SAXO3: variants seen among roughly 807,000 people sequenced by gnomAD.
SAXO3 encodes the protein CTB-60B18.10.
the SAXO3 span, chr19:49,018,122 AG>A: frequency 5.0e-6 from 2 of 399,496 alleles, no homozygotes; most frequent in African/African-American, 2.1e-5. Context: ...CGGGTGCAGC[AG>A]GGGGCTGTAG....
At chr19:49,018,670 G>C in the SAXO3 span, among the ~76,000 whole-genome samples, 1 of 151,994 alleles carries the variant, frequency 6.6e-6, no homozygotes, top group Non-Finnish European at 1.5e-5. Flanking sequence ...TCCCTACCGC[G>C]GTTCCTGAGA....
the SAXO3 span, chr19:49,017,973 C>T: frequency 2.5e-6 from 1 of 398,564 alleles, no homozygotes. Flanking sequence ...ACGGCTCACA[C>T]CAGCGCCGGC....
At chr19:49,018,870 T>TA in the SAXO3 span, 1 of 1,533,172 alleles carries the variant, frequency 6.5e-7, no homozygotes, top group Non-Finnish European at 8.7e-7. Context: ...GAGCCCGGCT[T>TA]ACTTGGGATA....
chr19:49,019,036 A>G, the SAXO3 span: 1 of 1,512,962 alleles, frequency 6.6e-7, no homozygotes. Flanking sequence ...TACCCAAGAC[A>G]TAGATTTCAT....
the SAXO3 span, chr19:49,019,201 T>C: frequency 1.4e-5 from 19 of 1,395,084 alleles, no homozygotes; most frequent in Admixed American, 6.3e-5. Flanking sequence ...ACCCGAACCC[T>C]TCCCAGCCTC....
the SAXO3 span, chr19:49,020,233 TC>T: frequency 2.1e-6 from 1 of 470,932 alleles, no homozygotes; most frequent in South Asian, 4.2e-5. Flanking sequence ...GCATTCAGCT[TC>T]CCTGGTGCCT....
At chr19:49,020,202 C>G in the SAXO3 span, 1 of 496,744 alleles carries the variant, frequency 2.0e-6, no homozygotes, top group Middle Eastern at 5.2e-4. Flanking sequence ...CGGCCCCCAG[C>G]CCTTTCCTCT....
chr19:49,019,586 C>T, the SAXO3 span: 8 of 1,253,742 alleles, frequency 6.4e-6, 3 homozygotes, highest in South Asian at 1.8e-4. Flanking sequence ...TTCCTTCTGG[C>T]CCCGCCCCAG....
the SAXO3 span, chr19:49,018,741 T>C: frequency 1.3e-6 from 1 of 774,784 alleles, no homozygotes; most frequent in Non-Finnish European, 2.0e-6. Flanking sequence ...GCCTGAACTT[T>C]GGTTCTTGCT....
the SAXO3 span, chr19:49,019,486 T>TCTGGC: frequency 2.5e-6 from 3 of 1,214,644 alleles, no homozygotes; most frequent in Non-Finnish European, 3.1e-6. Flanking sequence ...CCCTGGTCCT[T>TCTGGC]CTGGCCTGGC....
the SAXO3 span, chr19:49,020,492 C>G: frequency 2.5e-6 from 1 of 398,792 alleles, no homozygotes; most frequent in Non-Finnish European, 4.4e-6. Flanking sequence ...TACGACAGCC[C>G]GGAGCCAGGG....
At chr19:49,018,175 C>T in the SAXO3 span, 1 of 413,838 alleles carries the variant, frequency 2.4e-6, no homozygotes, top group East Asian at 3.6e-5. Flanking sequence ...GCGGCATGGC[C>T]GAGGTCACCG....
At chr19:49,020,195 C>T in the SAXO3 span, 1 of 502,790 alleles carries the variant, frequency 2.0e-6, no homozygotes, top group Admixed American at 4.0e-5. Flanking sequence ...TTCCAGTCGG[C>T]CCCCAGCCCT....
the SAXO3 span, chr19:49,018,926 G>A: frequency 2.6e-5 from 40 of 1,534,346 alleles, no homozygotes; most frequent in Non-Finnish European, 3.5e-5. Flanking sequence ...GCTGGCGGCG[G>A]TCCAGGACGC....
the SAXO3 span, chr19:49,019,359 A>G: frequency 8.2e-7 from 1 of 1,216,750 alleles, no homozygotes; most frequent in Non-Finnish European, 1.0e-6. Context: ...AGCAACTCCA[A>G]GTTACCTCTC....
the SAXO3 span, chr19:49,018,085 C>T: frequency 1.8e-5 from 7 of 398,676 alleles, no homozygotes; most frequent in East Asian, 1.8e-4. Flanking sequence ...GCGCCTCCAG[C>T]GGGCAGAAGC....
the SAXO3 span, chr19:49,019,376 C>T: frequency 1.6e-6 from 2 of 1,247,356 alleles, no homozygotes; most frequent in Non-Finnish European, 2.0e-6. Context: ...TCTCCCAACT[C>T]CCACCTGACC....
At chr19:49,019,220 A>G in the SAXO3 span, 36 of 1,378,930 alleles carry the variant, frequency 2.6e-5, no homozygotes, top group Non-Finnish European at 3.3e-5. Flanking sequence ...TCACCTCCCT[A>G]AATCCAAGCA....
the SAXO3 span, chr19:49,019,524 T>C: frequency 8.5e-7 from 1 of 1,174,788 alleles, no homozygotes. Context: ...CCCCGGCTCC[T>C]CTAACCTCGC....
Sources: gnomAD v4.1 joint callset for allele counts (sites outside exome capture counted in the v4.1 genomes callset) on GRCh38, gnomAD v4.1.1 for gene constraint, MANE v1.5 for transcripts, NCBI Gene and HGNC (gene_info 2026-07-23, HGNC 2026-07-21) for gene names.